Variants in IPO5 observed in about 807,000 individuals in gnomAD.
The protein encoded by IPO5 is importin 5.
A neutral mutation model predicts 143.3 loss-of-function variants in IPO5; 18 were observed. The observed-to-expected ratio is 0.13, with a 90% confidence interval of 0.09 to 0.19. The LOEUF (loss-of-function observed/expected upper bound fraction) is 0.19. IPO5 is among the 10% of genes least tolerant of loss of function. IPO5 has a pLI of 1.00. For synonymous variants in IPO5, 477 were observed against 465.7 expected, an observed-to-expected ratio of 1.02 and a Z score of -0.31; for missense variants, 1,013 against 1,336.9, an observed-to-expected ratio of 0.76 and a Z score of 3.78.
At chr13:98,000,507 T>C (rs1888673177) in intron 12 of IPO5, 32 bp from the exon 13 acceptor site, 7 of 1,335,324 alleles carry the variant, frequency 5.2e-6, no homozygotes, top group Admixed American at 1.7e-5. Flanking sequence ...GTTTCAGATA[T>C]ATTGAGTACA....
rs1887053271 is a variant in IPO5 at position 97,983,670 on chromosome 13, T to A, written c.171+1087T>A. 5.9e-5 allele frequency among the ~76,000 whole-genome samples: 9 copies of A among 151,514 alleles called. No homozygotes were observed. In the South Asian group the frequency reaches 1.9e-3, roughly 31 times the overall value. On this transcript the variant is annotated intron_variant, in intron 5 of 28. Coordinates refer to ENST00000651721, the MANE Select transcript of IPO5 (RefSeq NM_002271.6). The stretch of plus-strand genomic sequence containing the variant: ...GAAAACTATTCTACCTACAAAACAT[T>A]ACATTTAGAGTTTGTAGTGTAAGAC...
At chr13:97,995,478 G>A (rs549734696) in intron 11 of IPO5, among the ~76,000 whole-genome samples, 51 of 152,034 alleles carry the variant, frequency 3.4e-4, no homozygotes, top group African/African-American at 1.2e-3. Flanking sequence ...AAAACAGGCC[G>A]GGCGCGGTGG....
intron 5 of IPO5, among the ~76,000 whole-genome samples, chr13:97,982,868 G>T (rs2139643735): frequency 6.6e-6 from 1 of 152,292 alleles, no homozygotes; most frequent in South Asian, 2.1e-4. Flanking sequence ...AAATTAAAGT[G>T]ATTTGATTTG....
intron 2 of IPO5, among the ~76,000 whole-genome samples, chr13:97,954,997 G>T (rs923481498): frequency 6.6e-6 from 1 of 152,190 alleles, no homozygotes; most frequent in Non-Finnish European, 1.5e-5. Flanking sequence ...GGAGGCTGAG[G>T]TGGGAGGATC....
In IPO5 at chr13:98,015,685, T is replaced by A. The variant is rs1400375508; in HGVS notation, c.2438-41T>A. The A allele has an allele frequency of 2.5e-6, 4 of 1,585,078 alleles. No homozygotes were observed. The African/African-American group carries it at 5.4e-5, about 21-fold the overall frequency. On this transcript the variant is annotated intron_variant, in intron 23 of 28. Transcript: ENST00000651721. ...TATTTCTGAATATAATCCTTGACCATCTTGGCAATCATTTAAAACATTTAT... is the reference window on the plus strand; with the variant it reads ...TATTTCTGAATATAATCCTTGACCAACTTGGCAATCATTTAAAACATTTAT...
At chr13:98,003,166 GC>G (rs1890994550) in intron 16 of IPO5, 129 bp downstream of exon 16, 1 of 732,514 alleles carries the variant, frequency 1.4e-6, no homozygotes, top group Admixed American at 2.5e-5. Context: ...AACTGAGGAG[GC>G]TATTCGGAGT....
chr13:97,968,370 G>C (rs938731303), intron 2 of IPO5, among the ~76,000 whole-genome samples: 5 of 152,176 alleles, frequency 3.3e-5, no homozygotes, highest in African/African-American at 1.2e-4. Flanking sequence ...TTTGGGTGGA[G>C]TGTCTTACAC....
chr13:97,964,604 A>AT (rs113079162), intron 2 of IPO5, among the ~76,000 whole-genome samples: 179 of 150,428 alleles, frequency 1.2e-3, no homozygotes, highest in African/African-American at 3.8e-3. Flanking sequence ...CACCCAGCTA[A>AT]TTTTTTTTTG....
intron 26 of IPO5, 128 bp from the exon 27 acceptor site, chr13:98,019,453 C>A: frequency 1.4e-6 from 1 of 698,156 alleles, no homozygotes; most frequent in Non-Finnish European, 2.4e-6. Context: ...GCCAAGAAGA[C>A]AACACTTCCC....
chr13:98,007,971 TGTA>T (rs1461045809), intron 17 of IPO5, 85 bp from the exon 18 acceptor site: 22 of 719,032 alleles, frequency 3.1e-5, no homozygotes, highest in Admixed American at 2.5e-4. Context: ...ATGTGGGCAA[TGTA>T]GTCGATTTTT....
Position 97,992,917 on chromosome 13 carries a change from A to G in IPO5, c.695A>G (p.Asn232Ser). ...LQAVNDSCYQNDDSVLKSLVE... is the reference protein window; with the variant it reads ...LQAVNDSCYQSDDSVLKSLVE... ...GCGGTAAATGACTCGTGCTACCAGA[A>G]TGATGATTCTGTCCTAAAATCCCTC... is the stretch of plus-strand genomic sequence containing the variant. The change falls in exon 10 of 29, where the codon AAT (asparagine) becomes AGT (serine). Residue 232 changes from asparagine (N) to serine (S), a missense_variant. Coordinates refer to ENST00000651721, the MANE Select transcript of IPO5 (RefSeq NM_002271.6). 2 of 1,613,140 alleles carry G rather than the reference A, an allele frequency of 1.2e-6. No individual in the cohort carries two copies. Among genetic ancestry groups the G allele is most frequent in the Admixed American group, 1.7e-5 (1 of 59,964 alleles).
intron 3 of IPO5, among the ~76,000 whole-genome samples, chr13:97,973,591 G>C (rs937273091): frequency 2.0e-5 from 3 of 152,120 alleles, no homozygotes; most frequent in Non-Finnish European, 4.4e-5. Flanking sequence ...TTTGGGTGGC[G>C]GGGTGGTCTC....
At chr13:97,973,038 C>CTT (rs34572861) in intron 3 of IPO5, among the ~76,000 whole-genome samples, 48 of 76,144 alleles carry the variant, frequency 6.3e-4, no homozygotes, top group Non-Finnish European at 8.6e-4. Context: ...CTTTTATCTT[C>CTT]TTTTTTTTTT....
intron 2 of IPO5, among the ~76,000 whole-genome samples, chr13:97,961,622 G>C (rs1433959895): frequency 6.6e-6 from 1 of 152,098 alleles, no homozygotes; most frequent in East Asian, 1.9e-4. Context: ...CCATTTTATT[G>C]GGTATGAAGT....
intron 5 of IPO5, 115 bp from the exon 6 acceptor site, chr13:97,985,304 AAG>A: frequency 4.0e-6 from 3 of 750,564 alleles, no homozygotes; most frequent in Non-Finnish European, 6.5e-6. Context: ...TGTAATTAGA[AAG>A]AGTTATATAT....
At chr13:97,980,556 G>A (rs1399862827) in intron 4 of IPO5, among the ~76,000 whole-genome samples, 4 of 152,154 alleles carry the variant, frequency 2.6e-5, no homozygotes, top group Admixed American at 6.6e-5. Flanking sequence ...ATGGCTGGGC[G>A]CGGTGGCTCA....
rs527363795 is a variant in IPO5, at chr13:97,981,543, C to A, written c.91-960C>A. ...CCCTTGTCACTTTGTTCCAGAGAAG[C>A]CACGTATAGAGGTATGGTAGCAATG... is the stretch of plus-strand genomic sequence containing the variant. On this transcript the variant is annotated intron_variant, in intron 4 of 28. Coordinates refer to ENST00000651721, the MANE Select transcript of IPO5 (RefSeq NM_002271.6). 29 of 248,962 alleles carry A rather than the reference C, an allele frequency of 1.2e-4. No homozygotes were observed. In the Middle Eastern group the frequency reaches 4.2e-3, roughly 36 times the overall value. 15.4% of individuals were successfully genotyped at this position (248,962 alleles called of 1,614,324 possible).
At chr13:98,006,643 G>A (rs184395512) in intron 17 of IPO5, among the ~76,000 whole-genome samples, 1 of 151,740 alleles carries the variant, frequency 6.6e-6, no homozygotes, top group African/African-American at 2.4e-5. Context: ...CAGAGTGCTG[G>A]GATTACAGGC....
At chr13:97,990,348 G>T in intron 8 of IPO5, 85 bp from the exon 9 acceptor site, 3 of 1,202,396 alleles carry the variant, frequency 2.5e-6, no homozygotes, top group Non-Finnish European at 3.6e-6. Flanking sequence ...TACTGATAAA[G>T]AATAATTTGA....
Sources: allele counts gnomAD v4.1 joint callset (sites outside exome capture counted in the v4.1 genomes callset), GRCh38; gene constraint gnomAD v4.1.1; transcripts MANE v1.5; gene names NCBI Gene and HGNC (gene_info 2026-07-23, HGNC 2026-07-21).